Variants in IRF2BPL observed in about 807,000 individuals in gnomAD.
IRF2BPL encodes interferon regulatory factor 2 binding protein like.
IRF2BPL carries 13 observed loss-of-function variants against 51.2 expected under a neutral mutation model. The observed-to-expected ratio is 0.25, with a 90% CI of 0.17 to 0.40. The LOEUF (loss-of-function observed/expected upper bound fraction) is 0.40, where lower values mean the gene tolerates loss of function less well. Among genes scored for constraint, IRF2BPL ranks in the 10% least tolerant of loss-of-function variants. IRF2BPL has a pLI of 1.00. For missense variants in IRF2BPL, 1,210 were observed against 1,111.8 expected (o/e 1.09, Z -1.26); for synonymous variants, 768 against 509.2 (o/e 1.51, Z -6.84).
rs1187454418 is a variant in IRF2BPL, at chr14:77,026,852, G to A, written c.941C>T (p.Ser314Phe). 9 of 1,604,846 alleles carry A rather than the reference G, an allele frequency of 5.6e-6. No homozygotes were observed. The highest frequency in any genetic ancestry group is 2.7e-5 in the African/African-American group (2 of 74,630). Reference protein sequence around the residue: ...GVSATSSSASSSTSSSVAEVG... With the variant: ...GVSATSSSASFSTSSSVAEVG... ...CTCTGCCACCGACGAAGAGGTCGAA[G>A]ACGACGCGGAGGACGACGTGGCCGA... The change falls in exon 1 of 1, where the codon TCT becomes TTT. Residue 314 changes from serine (S) to phenylalanine (F), a missense_variant. By Grantham distance (155) the Ser-to-Phe change is radical. Coordinates refer to ENST00000238647, the MANE Select transcript of IRF2BPL (RefSeq NM_024496.4).
rs1255396252 is a variant in IRF2BPL at position 77,027,285 on chromosome 14, G to C, written c.508C>G (p.Arg170Gly). Residue 170 changes from arginine to glycine, a missense_variant, in exon 1 of 1, where the codon CGC becomes GGC. Arg to Gly is a moderately radical substitution (Grantham distance 125, BLOSUM62 -2). Coordinates refer to ENST00000238647, the MANE Select transcript of IRF2BPL (RefSeq NM_024496.4). Reference protein sequence around the residue: ...AAAAAVEQRSRFEYPPPPVSL... With the variant: ...AAAAAVEQRSGFEYPPPPVSL... ...ACCGGCGGTGGCGGGTACTCGAAGC[G>C]GCTGCGCTGTTCCACCGCAGCGGCG... 1 of 1,577,204 alleles carries C rather than the reference G, an allele frequency of 6.3e-7. No homozygotes were observed. Among genetic ancestry groups the C allele is most frequent in the Non-Finnish European group, 8.6e-7 (1 of 1,167,600 alleles).
chr14:77,027,322 G>GGCGGCGGCGGCA lies in IRF2BPL; in HGVS notation c.459_470dup (p.Ala161_Ala164dup), dbSNP rs760501664. On this transcript the variant is annotated inframe_insertion, in exon 1 of 1. Transcript: ENST00000238647. ...CCACCGCAGCGGCGGCGGCGGCGGC[G>GGCGGCGGCGGCA]GCGGCGGCGGCAGCGCTTAGGCCGT... The GGCGGCGGCGGCA allele has an allele frequency of 3.0e-4, 468 of 1,535,038 alleles. 6 individuals are homozygous for GGCGGCGGCGGCA. In the Admixed American group the frequency reaches 8.1e-3, roughly 27 times the overall value.
At position 77,027,698 on chromosome 14, in the gene IRF2BPL, T is replaced by G. The variant is rs746966879; in HGVS notation, c.95A>C (p.Glu32Ala). The change falls in exon 1 of 1, where the codon GAA becomes GCA. Residue 32 changes from glutamate to alanine, a missense_variant. Transcript: ENST00000238647. ...GTTGACGCAACCGCGGCATACGGGT[T>G]CCGAGAAGTCCCAGATCATGGCCCA... Reference protein sequence around the residue: ...MPWAMIWDFSEPVCRGCVNYE... With the variant: ...MPWAMIWDFSAPVCRGCVNYE... 2 of 1,610,182 alleles carry G rather than the reference T, an allele frequency of 1.2e-6. No homozygotes were observed. The highest frequency in any genetic ancestry group is 2.3e-5 in the East Asian group (1 of 44,386).
chr14:77,027,505 C>G lies in IRF2BPL; in HGVS notation c.288G>C (p.Ala96=), dbSNP rs772041179. The G allele has an allele frequency of 1.8e-4, 109 of 621,900 alleles. No homozygotes were observed. The highest frequency in any genetic ancestry group is 9.4e-4 in the Admixed American group (14 of 14,918). The allele number at this position is 621,900 out of a possible 1,614,324, so 38.5% of individuals were successfully genotyped here. Residue 96 remains alanine, a synonymous_variant, in exon 1 of 1, where the codon GCG becomes GCC. Transcript: ENST00000238647. ...GCTGTTGCGCGGCGGCGGCGGCGGC[C>G]GCCGCTGCTGCCGCCGCCGCCGCCG... ...KEAAAAAAAA[A]AAAAAAQQQQ... is the part of the protein sequence containing the mutation.
rs1259315387 is a variant in IRF2BPL, at chr14:77,027,063, C to A, written c.730G>T (p.Gly244Cys). 4 of 1,588,190 alleles carry A rather than the reference C, an allele frequency of 2.5e-6. No individual in the cohort carries two copies. The highest frequency in any genetic ancestry group is 2.7e-5 in the African/African-American group (2 of 74,594). The change falls in exon 1 of 1, where the codon GGT becomes TGT. Residue 244 changes from glycine to cysteine, a missense_variant. By Grantham distance (159) the Gly-to-Cys change is radical. Coordinates refer to ENST00000238647, the MANE Select transcript of IRF2BPL (RefSeq NM_024496.4). Reference protein sequence around the residue: ...GLVTGLPNPGGGGGPQLTVPP... With the variant: ...GLVTGLPNPGCGGGPQLTVPP... ...ACGGTGAGCTGGGGGCCTCCGCCACCCCCCGGGTTGGGCAGCCCCGTAACC... is the reference window on the plus strand; with the variant it reads ...ACGGTGAGCTGGGGGCCTCCGCCACACCCCGGGTTGGGCAGCCCCGTAACC...
rs113178804 is a variant in IRF2BPL, at chr14:77,027,183, G to T, written c.610C>A (p.Pro204Thr). ...GGPNGFPKPT[P>T]EEGPPELNRQ... ...TTCAGCTCTGGGGGTCCCTCCTCTGGTGTTGGTTTGGGGAAGCCGTTTGGG... is the reference window on the plus strand; with the variant it reads ...TTCAGCTCTGGGGGTCCCTCCTCTGTTGTTGGTTTGGGGAAGCCGTTTGGG... Residue 204 changes from proline to threonine, a missense_variant, in exon 1 of 1, where the codon CCA (proline) becomes ACA (threonine). Transcript: ENST00000238647. The T allele has an allele frequency of 4.8e-5, 78 of 1,612,410 alleles. 5 individuals carry two copies. The African/African-American group carries it at 6.1e-4, about 13-fold the overall frequency.
In IRF2BPL at chr14:77,027,113, G is replaced by C. The variant is rs778735682; in HGVS notation, c.680C>G (p.Ser227Cys). The change falls in exon 1 of 1, where the codon TCT becomes TGT. Residue 227 changes from serine (S) to cysteine (C), a missense_variant. Physicochemically the swap from Ser to Cys is moderately radical, Grantham distance 112. Coordinates refer to ENST00000238647, the MANE Select transcript of IRF2BPL (RefSeq NM_024496.4). ...CAGCCCACCGTGCGTTCCACGCCGA[G>C]ACGCCACCGACGCCGCCGCTGAAGA... ...NSSSAAASVA[S>C]RRGTHGGLVT... 25 of 1,611,470 alleles carry C rather than the reference G, an allele frequency of 1.6e-5. 1 individual carries two copies. The South Asian group carries it at 2.3e-4, about 15-fold the overall frequency.
rs933159758 is a variant in IRF2BPL at position 77,026,684 on chromosome 14, C to T, written c.1109G>A (p.Ser370Asn). Residue 370 changes from serine (S) to asparagine (N), a missense_variant, in exon 1 of 1, where the codon AGC becomes AAC. Transcript: ENST00000238647. Reference protein sequence around the residue: ...SLRNRAEEWASKPKMVRDTLL... With the variant: ...SLRNRAEEWANKPKMVRDTLL... ...CGTGTCGCGGACCATCTTGGGCTTG[C>T]TGGCCCACTCCTCGGCGCGGTTGCG... 6.2e-7 allele frequency: 1 copy of T among 1,612,782 alleles called. No individual in the cohort carries two copies. Among genetic ancestry groups the T allele is most frequent in the Non-Finnish European group, 8.5e-7 (1 of 1,179,582 alleles).
rs1885189344 is a variant in IRF2BPL, at chr14:77,027,537, T to G, written c.256A>C (p.Lys86Gln). ...VGVKTVALSA[K>Q]EAAAAAAAAA... ...GCTGCCGCCGCCGCCGCCGCTTCCTTAGCCGACAGGGCCACTGTCTTGACC... is the reference window on the plus strand; with the variant it reads ...GCTGCCGCCGCCGCCGCCGCTTCCTGAGCCGACAGGGCCACTGTCTTGACC... Residue 86 changes from lysine (K) to glutamine (Q), a missense_variant, in exon 1 of 1, where the codon AAG becomes CAG. Coordinates refer to ENST00000238647, the MANE Select transcript of IRF2BPL (RefSeq NM_024496.4). 1.4e-6 allele frequency: 1 copy of G among 718,514 alleles called. No homozygotes were observed. Among genetic ancestry groups the G allele is most frequent in the Non-Finnish European group, 1.7e-6 (1 of 578,692 alleles). The allele number at this position is 718,514 out of a possible 1,614,324, so 44.5% of individuals were successfully genotyped here.
rs1280388277 is a variant in IRF2BPL, at chr14:77,027,115, C to T, written c.678G>A (p.Ala226=). Residue 226 remains alanine (A), a synonymous_variant, in exon 1 of 1, where the codon GCG becomes GCA. Coordinates refer to ENST00000238647, the MANE Select transcript of IRF2BPL (RefSeq NM_024496.4). ...PNSSSAAASV[A]SRRGTHGGLV... ...GCCCACCGTGCGTTCCACGCCGAGA[C>T]GCCACCGACGCCGCCGCTGAAGAAG... is the stretch of plus-strand genomic sequence containing the variant. The T allele has an allele frequency of 6.2e-7, 1 of 1,611,654 alleles. No homozygotes were observed. Among genetic ancestry groups the T allele is most frequent in the Non-Finnish European group, 8.5e-7 (1 of 1,179,430 alleles).
Position 77,026,500 on chromosome 14 carries a change from G to A in IRF2BPL, c.1293C>T (p.Tyr431=). 5 of 1,613,644 alleles carry A rather than the reference G, an allele frequency of 3.1e-6. No individual in the cohort carries two copies. The highest frequency in any genetic ancestry group is 1.7e-5 in the Admixed American group (1 of 60,034). The change falls in exon 1 of 1, where the codon TAC becomes TAT. Residue 431 remains tyrosine (Y), a synonymous_variant. Coordinates refer to ENST00000238647, the MANE Select transcript of IRF2BPL (RefSeq NM_024496.4). ...GCTTGGCCACACCAGATGCACTGGA[G>A]TACACGTTGCCCGAGCCCGTGGGGT... ...IEYPTGSGNV[Y]SSASGVAKQM... is the part of the protein sequence containing the mutation.
At position 77,025,853 on chromosome 14, in the gene IRF2BPL, T is replaced by A; in HGVS notation, c.1940A>T (p.His647Leu). ...AHSPKDGSSV[H>L]STTASARRNS... ...TCGCCGCGCCGACGCAGTGGTAGAG[T>A]GCACGGAACTGCCATCCTTGGGCGA... The change falls in exon 1 of 1, where the codon CAC (histidine) becomes CTC (leucine). Residue 647 changes from histidine (H) to leucine (L), a missense_variant. By Grantham distance (99) the His-to-Leu change is moderately conservative. Transcript: ENST00000238647. The A allele has an allele frequency of 6.2e-7, 1 of 1,612,328 alleles. No homozygotes were observed. Among genetic ancestry groups the A allele is most frequent in the Non-Finnish European group, 8.5e-7 (1 of 1,179,770 alleles).
At position 77,025,375 on chromosome 14, in the gene IRF2BPL, G is replaced by T. The variant is rs566462991; in HGVS notation, c.*27C>A. On this transcript the variant is annotated 3_prime_UTR_variant, in exon 1 of 1. Coordinates refer to ENST00000238647, the MANE Select transcript of IRF2BPL (RefSeq NM_024496.4). ...TCAGGATTGGAGAGGAGCTGGTCTA[G>T]GGCAAAGGAGGTGGCTGCCCAGTGG... The T allele has an allele frequency of 5.3e-6, 8 of 1,505,436 alleles. No homozygotes were observed. The Admixed American group carries it at 8.6e-5, about 16-fold the overall frequency. 93.3% of individuals were successfully genotyped at this position (1,505,436 alleles called of 1,614,324 possible). A position where few individuals can be genotyped will look rare whatever the true frequency, so the allele number is the denominator to read the frequency against.
At position 77,026,355 on chromosome 14, in the gene IRF2BPL, C is replaced by A. The variant is rs1447719475; in HGVS notation, c.1438G>T (p.Glu480Ter). Residue 480 changes from glutamate (E) to a stop codon, truncating the protein, a stop_gained, in exon 1 of 1, where the codon GAA becomes TAA. Transcript: ENST00000238647. LOFTEE classifies it high-confidence loss of function. ...CCCTCCTTGAAGAAGCGCACGGCTT[C>A]GGGGAGCAGGTCTCCAAGCAGGCGC... is the stretch of plus-strand genomic sequence containing the variant. ...DWRLLGDLLPEAVRFFKEGVP... is the reference protein window; with the variant it reads ...DWRLLGDLLP The A allele has an allele frequency of 6.2e-7, 1 of 1,608,268 alleles. No homozygotes were observed. Among genetic ancestry groups the A allele is most frequent in the Admixed American group, 1.7e-5 (1 of 59,320 alleles).
chr14:77,025,369 G>C lies in IRF2BPL; in HGVS notation c.*33C>G. ...GGGCCCTCAGGATTGGAGAGGAGCT[G>C]GTCTAGGGCAAAGGAGGTGGCTGCC... On this transcript the variant is annotated 3_prime_UTR_variant, in exon 1 of 1. Transcript: ENST00000238647. 2.0e-6 allele frequency: 3 copies of C among 1,473,940 alleles called. No individual in the cohort carries two copies. The highest frequency in any genetic ancestry group is 2.7e-6 in the Non-Finnish European group (3 of 1,093,604). 91.3% of individuals were successfully genotyped at this position (1,473,940 alleles called of 1,614,324 possible).
rs775653604 is a variant in IRF2BPL, at chr14:77,027,724, G to A, written c.69C>T (p.Pro23=). Residue 23 remains proline, a synonymous_variant, in exon 1 of 1, where the codon CCC becomes CCT. Coordinates refer to ENST00000238647, the MANE Select transcript of IRF2BPL (RefSeq NM_024496.4). ...SCYLCDLPRM[P]WAMIWDFSEP... ...CCGAGAAGTCCCAGATCATGGCCCA[G>A]GGCATGCGGGGCAGGTCGCACAGGT... 1.5e-5 allele frequency: 24 copies of A among 1,607,856 alleles called. No homozygotes were observed. Among genetic ancestry groups the A allele is most frequent in the Non-Finnish European group, 1.9e-5 (22 of 1,177,554 alleles).
rs751627340 is a variant in IRF2BPL at position 77,026,906 on chromosome 14, G to T, written c.887C>A (p.Pro296His). 2 of 1,504,378 alleles carry T rather than the reference G, an allele frequency of 1.3e-6. No individual in the cohort carries two copies. Among genetic ancestry groups the T allele is most frequent in the Non-Finnish European group, 1.8e-6 (2 of 1,127,486 alleles). The allele number at this position is 1,504,378 out of a possible 1,614,324, so 93.2% of individuals were successfully genotyped here. ...ACCCGGGGTACCCCCGAGACAAGCGGGGCCCCCAGGAGCCCCTGGGGGAGC... is the reference window on the plus strand; with the variant it reads ...ACCCGGGGTACCCCCGAGACAAGCGTGGCCCCCAGGAGCCCCTGGGGGAGC... ...TPAPPGAPGG[P>H]ACLGGTPGVS... Residue 296 changes from proline (P) to histidine (H), a missense_variant, in exon 1 of 1, where the codon CCC (proline) becomes CAC (histidine). By Grantham distance (77) the Pro-to-His change is moderately conservative (BLOSUM62 -2). Coordinates refer to ENST00000238647, the MANE Select transcript of IRF2BPL (RefSeq NM_024496.4).
At position 77,027,461 on chromosome 14, in the gene IRF2BPL, T is replaced by C. The variant is rs1885180186; in HGVS notation, c.332A>G (p.Gln111Arg). 2.1e-6 allele frequency: 3 copies of C among 1,453,786 alleles called. No individual in the cohort carries two copies. The highest frequency in any genetic ancestry group is 1.3e-5 in the South Asian group (1 of 74,466). 90.1% of individuals were successfully genotyped at this position (1,453,786 alleles called of 1,614,324 possible). The change falls in exon 1 of 1, where the codon CAG becomes CGG. Residue 111 changes from glutamine (Q) to arginine (R), a missense_variant. Transcript: ENST00000238647. ...AAQQQQQQQQ[Q>R]QQQQQQQQQQ... ...CTGCTGCTGCTGCTGTTGCTGCTGCTGCTGCTGCTGTTGCTGTTGCTGTTG... is the reference window on the plus strand; with the variant it reads ...CTGCTGCTGCTGCTGTTGCTGCTGCCGCTGCTGCTGTTGCTGTTGCTGTTG...
chr14:77,027,524 GCCGCCGCTT>G lies in IRF2BPL; in HGVS notation c.260_268del (p.Glu87_Ala89del). ...GGCGGCCGCCGCTGCTGCCGCCGCC[GCCGCCGCTT>G]CCTTAGCCGACAGGGCCACTGTCTT... On this transcript the variant is annotated inframe_deletion, in exon 1 of 1. Transcript: ENST00000238647. 1.4e-6 allele frequency: 1 copy of G among 694,948 alleles called. No individual in the cohort carries two copies. Among genetic ancestry groups the G allele is most frequent in the Non-Finnish European group, 1.8e-6 (1 of 563,948 alleles). 43.0% of individuals were successfully genotyped at this position (694,948 alleles called of 1,614,324 possible). A position where few individuals can be genotyped will look rare whatever the true frequency, so the allele number is the denominator to read the frequency against.
Sources: allele counts gnomAD v4.1 joint callset, GRCh38; gene constraint gnomAD v4.1.1; transcripts MANE v1.5; gene names NCBI Gene and HGNC (gene_info 2026-07-23, HGNC 2026-07-21).